SNRPN: variants seen among roughly 807,000 people sequenced by gnomAD.
The protein encoded by SNRPN is small nuclear ribonucleoprotein polypeptide N.
SNRPN carries 7 observed loss-of-function variants against 25.2 expected under a neutral mutation model. That is an observed-to-expected ratio of 0.28 (90% CI 0.16 to 0.52). SNRPN has a LOEUF of 0.52. Ranked by LOEUF, SNRPN falls within the 20% of genes least tolerant of loss-of-function variation. The probability of loss-of-function intolerance (pLI) is 0.96; values close to 1 mark genes in which losing one functional copy is unlikely to be tolerated. For missense variants in SNRPN, 196 were observed against 322.5 expected (o/e 0.61, Z 3.00); for synonymous variants, 124 against 110.6 (o/e 1.12, Z -0.76).
intron 2 of SNRPN, among the ~76,000 whole-genome samples, chr15:24,890,408 G>T (rs2057575337): frequency 6.6e-6 from 1 of 152,130 alleles, no homozygotes; most frequent in Admixed American, 6.6e-5. Flanking sequence ...TGGGCACAGT[G>T]GCTCACACCT....
At chr15:24,882,885 A>C (rs1439493887) in intron 1 of SNRPN, among the ~76,000 whole-genome samples, 1 of 151,472 alleles carries the variant, frequency 6.6e-6, no homozygotes. Flanking sequence ...TAATCTATTG[A>C]ATATCATTGA....
chr15:24,867,295 A>T (rs2054655434), intron 1 of SNRPN, among the ~76,000 whole-genome samples: 2 of 152,204 alleles, frequency 1.3e-5, no homozygotes, highest in Admixed American at 6.5e-5. Context: ...TACTCTTTTT[A>T]ATAATAGCCT....
At chr15:24,904,673 G>T (rs1358741525) in intron 2 of SNRPN, among the ~76,000 whole-genome samples, 5 of 121,350 alleles carry the variant, frequency 4.1e-5, no homozygotes, top group Admixed American at 8.2e-5. Flanking sequence ...GAAAAGAAAA[G>T]AAAAGAAAGA....
At position 24,911,299 on chromosome 15, in the gene SNRPN, G is replaced by A. The variant is rs545668250; in HGVS notation, c.-504-8712G>A. Among the ~76,000 whole-genome samples the A allele has an allele frequency of 3.3e-5, 5 of 152,316 alleles. No homozygotes were observed. In the South Asian group the frequency reaches 1.0e-3, roughly 32 times the overall value. On this transcript the variant is annotated intron_variant, in intron 2 of 11. Coordinates refer to the SNRPN transcript ENST00000400097. ...AACTGACCGTTTCATAAGGAGATTAGTATGACTAGAATGCCAGATGCTATT... is the reference window on the plus strand; with the variant it reads ...AACTGACCGTTTCATAAGGAGATTAATATGACTAGAATGCCAGATGCTATT...
At chr15:24,847,666 G>A (rs2052328573) in intron 2 of SNRPN, among the ~76,000 whole-genome samples, 1 of 152,072 alleles carries the variant, frequency 6.6e-6, no homozygotes, top group Non-Finnish European at 1.5e-5. Context: ...TTGCTGCAGG[G>A]GTCAGTGGTG....
intron 2 of SNRPN, among the ~76,000 whole-genome samples, chr15:24,836,362 C>T (rs947476045): frequency 6.6e-6 from 1 of 151,986 alleles, no homozygotes; most frequent in Middle Eastern, 3.2e-3. Context: ...CTGCAAGGTT[C>T]GTGGCTGAGT....
chr15:24,966,512 C>T (rs2075660035), intron 2 of SNRPN, among the ~76,000 whole-genome samples: 1 of 152,158 alleles, frequency 6.6e-6, no homozygotes, highest in African/African-American at 2.4e-5. Context: ...CTCTCCTGCC[C>T]TCCCAGGAGG....
At chr15:24,873,618 T>C (rs2055466977) in intron 1 of SNRPN, among the ~76,000 whole-genome samples, 1 of 152,030 alleles carries the variant, frequency 6.6e-6, no homozygotes, top group Non-Finnish European at 1.5e-5. Context: ...TGCCTAATTT[T>C]TTGTATTTTT....
intron 3 of SNRPN, among the ~76,000 whole-genome samples, chr15:24,922,933 G>A (rs1205355847): frequency 2.8e-5 from 3 of 108,400 alleles, no homozygotes; most frequent in Admixed American, 1.5e-4. Flanking sequence ...ACAGAGTCTC[G>A]CTCTATTGCT....
chr15:24,879,784 A>C (rs1158385144), intron 1 of SNRPN, among the ~76,000 whole-genome samples: 1 of 152,214 alleles, frequency 6.6e-6, no homozygotes, highest in Non-Finnish European at 1.5e-5. Context: ...TAGCTGCCTT[A>C]ATGCTACAAT....
intron 2 of SNRPN, chr15:24,848,448 C>T (rs1476507179): frequency 1.3e-5 from 2 of 152,154 alleles, no homozygotes. Context: ...AAATTTTCCT[C>T]TCTAGGTTTC....
intron 1 of SNRPN, among the ~76,000 whole-genome samples, chr15:24,858,495 G>T (rs2053647682): frequency 6.6e-6 from 1 of 151,850 alleles, no homozygotes; most frequent in Non-Finnish European, 1.5e-5. Flanking sequence ...AACAATTTAG[G>T]GCTCCAAAAA....
At chr15:24,864,761 GTTGT>G (rs1487034746) in intron 1 of SNRPN, among the ~76,000 whole-genome samples, 1 of 151,964 alleles carries the variant, frequency 6.6e-6, no homozygotes, top group African/African-American at 2.4e-5. Flanking sequence ...AGTTCAAAAT[GTTGT>G]TTAATTTTCT....
intron 3 of SNRPN, among the ~76,000 whole-genome samples, chr15:24,933,735 G>C (rs1206371393): frequency 6.6e-6 from 1 of 152,224 alleles, no homozygotes; most frequent in Admixed American, 6.5e-5. Flanking sequence ...GAGGAGACAA[G>C]GTGTGGGGTC....
chr15:24,847,428 G>A (rs956134825), intron 2 of SNRPN, among the ~76,000 whole-genome samples: 1 of 152,108 alleles, frequency 6.6e-6, no homozygotes, highest in African/African-American at 2.4e-5. Context: ...ATCACTTGAG[G>A]CCAGGAGTTC....
chr15:24,907,978 G>A (rs868371669), intron 2 of SNRPN, among the ~76,000 whole-genome samples: 3 of 144,502 alleles, frequency 2.1e-5, no homozygotes, highest in Non-Finnish European at 3.0e-5. Context: ...ACTTGAACCC[G>A]GGAGGTGGAG....
chr15:24,968,319 G>A (rs1385978083), intron 3 of SNRPN: 5 of 302,246 alleles, frequency 1.7e-5, no homozygotes, highest in East Asian at 7.7e-5. Flanking sequence ...TTTCTTTTGC[G>A]TTTTTTTTAA....
At chr15:24,857,518 T>G (rs1295177753) in intron 1 of SNRPN, among the ~76,000 whole-genome samples, 1 of 152,194 alleles carries the variant, frequency 6.6e-6, no homozygotes. Flanking sequence ...ATAAGGAAAT[T>G]ACAGTCCTTA....
chr15:24,917,718 G>A (rs539330493), intron 2 of SNRPN, among the ~76,000 whole-genome samples: 2 of 152,228 alleles, frequency 1.3e-5, no homozygotes, highest in African/African-American at 4.8e-5. Flanking sequence ...TTTTCTTTCC[G>A]CAGCCACGGG....
Sources: allele counts gnomAD v4.1 joint callset (sites outside exome capture counted in the v4.1 genomes callset), GRCh38; gene constraint gnomAD v4.1.1; transcripts MANE v1.5; gene names NCBI Gene and HGNC (gene_info 2026-07-23, HGNC 2026-07-21).